RTTN: variants seen among roughly 807,000 people sequenced by gnomAD.
RTTN encodes the protein rotatin.
A neutral mutation model predicts 269.2 loss-of-function variants in RTTN; 182 were observed. The ratio of observed to expected loss-of-function variants is 0.68; its 90% CI spans 0.60 to 0.76. The LOEUF (loss-of-function observed/expected upper bound fraction) is 0.76. Among genes scored for constraint, RTTN ranks in the 30% least tolerant of loss-of-function variants. RTTN has a pLI of 0.00. For synonymous variants in RTTN, 1,006 were observed against 963.5 expected (o/e 1.04, Z -0.82); for missense variants, 2,545 against 2,608.6 (o/e 0.98, Z 0.53).
chr18:70,155,948 C>G (rs1158148532), intron 14 of RTTN, among the ~76,000 whole-genome samples: 1 of 152,154 alleles, frequency 6.6e-6, no homozygotes, highest in Non-Finnish European at 1.5e-5. Context: ...TTACTTTAAT[C>G]TCTTAATCCT....
At chr18:70,127,441 G>A in intron 25 of RTTN, 61 bp downstream of exon 25, 1 of 1,570,782 alleles carries the variant, frequency 6.4e-7, no homozygotes, top group East Asian at 2.3e-5. Context: ...AAGGTTAGGA[G>A]ATGAACACAA....
intron 28 of RTTN, among the ~76,000 whole-genome samples, chr18:70,095,102 T>C (rs2058964863): frequency 6.7e-6 from 1 of 148,788 alleles, no homozygotes; most frequent in Non-Finnish European, 1.5e-5. Flanking sequence ...ATCTGTTTTA[T>C]CAGTGATGAA....
intron 25 of RTTN, among the ~76,000 whole-genome samples, chr18:70,124,424 A>G (rs952540721): frequency 2.0e-5 from 3 of 152,132 alleles, no homozygotes; most frequent in African/African-American, 7.2e-5. Context: ...AATGCAGGAA[A>G]GCCACATGAC....
intron 34 of RTTN, among the ~76,000 whole-genome samples, chr18:70,069,020 G>GA (rs2058224575): frequency 6.6e-6 from 1 of 152,162 alleles, no homozygotes; most frequent in Non-Finnish European, 1.5e-5. Flanking sequence ...AGGAGCTGGG[G>GA]AAAAGGGGAG....
chr18:70,042,247 G>A (rs2057362708), intron 40 of RTTN, among the ~76,000 whole-genome samples: 1 of 151,608 alleles, frequency 6.6e-6, no homozygotes, highest in South Asian at 2.1e-4. Flanking sequence ...CAGTACAATG[G>A]CTAAAACAGA....
At chr18:70,094,816 T>C (rs1265811166) in intron 28 of RTTN, among the ~76,000 whole-genome samples, 2 of 152,132 alleles carry the variant, frequency 1.3e-5, no homozygotes, top group African/African-American at 2.4e-5. Flanking sequence ...GGTCCAGAGC[T>C]GAGTTCAACT....
Position 70,009,192 on chromosome 18 carries a change from G to A in RTTN, c.6422-2708C>T, listed in dbSNP as rs190564235. 1.7e-3 allele frequency among the ~76,000 whole-genome samples: 266 copies of A among 152,294 alleles called. 10 individuals are homozygous for A. The highest frequency in any genetic ancestry group is 0.017 in the Admixed American group (263 of 15,306). ...CTCTGTCTCCCAGGTTTGGAGTGCAGTGGTGAGATCTCGGCTCACTGCAAC... is the reference window on the plus strand; with the variant it reads ...CTCTGTCTCCCAGGTTTGGAGTGCAATGGTGAGATCTCGGCTCACTGCAAC... On this transcript the variant is annotated intron_variant, in intron 46 of 48. Transcript: ENST00000640769.
At chr18:70,189,023 C>T (rs1400482452) in intron 9 of RTTN, among the ~76,000 whole-genome samples, 2 of 152,140 alleles carry the variant, frequency 1.3e-5, no homozygotes, top group Non-Finnish European at 2.9e-5. Context: ...TAATTTACCA[C>T]AAAAGGGCAG....
intron 46 of RTTN, among the ~76,000 whole-genome samples, chr18:70,013,230 T>C (rs1177227401): frequency 6.6e-6 from 1 of 152,214 alleles, no homozygotes; most frequent in Non-Finnish European, 1.5e-5. Flanking sequence ...GGAGGGTGAC[T>C]TCCTTATGTT....
intron 40 of RTTN, among the ~76,000 whole-genome samples, chr18:70,044,273 A>T (rs1032986447): frequency 6.6e-6 from 1 of 152,252 alleles, no homozygotes; most frequent in African/African-American, 2.4e-5. Flanking sequence ...CATCTAAAAT[A>T]AGGCACAAGA....
chr18:70,153,902 T>C (rs2060606168), intron 14 of RTTN, among the ~76,000 whole-genome samples: 1 of 152,184 alleles, frequency 6.6e-6, no homozygotes, highest in Non-Finnish European at 1.5e-5. Context: ...TGATTATCTT[T>C]TGTGACAAAA....
chr18:70,162,380 G>A (rs149981602), intron 14 of RTTN, among the ~76,000 whole-genome samples: 6 of 152,240 alleles, frequency 3.9e-5, no homozygotes, highest in Non-Finnish European at 5.9e-5. Flanking sequence ...GGAAGAGAAC[G>A]TATTAGCCTA....
chr18:70,182,428 A>C lies in RTTN; in HGVS notation c.1306-5583T>G, dbSNP rs574881172. 5.9e-5 allele frequency among the ~76,000 whole-genome samples: 9 copies of C among 152,298 alleles called. No individual in the cohort carries two copies. The East Asian group carries it at 9.6e-4, about 16-fold the overall frequency. Reference sequence around the variant, plus strand: ...GAGAAAAAAAACTGATAAACGTAAGAGTCAATATATATTTTTATGACTAAT... The same window carrying C: ...GAGAAAAAAAACTGATAAACGTAAGCGTCAATATATATTTTTATGACTAAT... On this transcript the variant is annotated intron_variant, in intron 10 of 48. Coordinates refer to ENST00000640769, the MANE Select transcript of RTTN (RefSeq NM_173630.4).
intron 21 of RTTN, among the ~76,000 whole-genome samples, chr18:70,139,346 T>C (rs2060201290): frequency 2.6e-5 from 4 of 152,226 alleles, no homozygotes; most frequent in Admixed American, 2.6e-4. Context: ...GAGCACCAGA[T>C]GACATCTACA....
intron 18 of RTTN, 71 bp from the exon 19 acceptor site, chr18:70,142,458 G>A: frequency 1.1e-6 from 1 of 879,146 alleles, no homozygotes; most frequent in Non-Finnish European, 1.8e-6. Flanking sequence ...AGATTTTATA[G>A]TTTGTGCCCT....
At position 70,019,610 on chromosome 18, in the gene RTTN, G is replaced by A. The variant is rs192971789; in HGVS notation, c.6153+1005C>T. Reference sequence around the variant, plus strand: ...AAAAGATCCAAGATTTGTACAGTTCGCTGAATTACGTGGTGTGATATGCCC... The same window carrying A: ...AAAAGATCCAAGATTTGTACAGTTCACTGAATTACGTGGTGTGATATGCCC... On this transcript the variant is annotated intron_variant, in intron 45 of 48. Coordinates refer to ENST00000640769, the MANE Select transcript of RTTN (RefSeq NM_173630.4). 8.5e-5 allele frequency: 13 copies of A among 152,214 alleles called. No homozygotes were observed. In the East Asian group the frequency reaches 1.4e-3, roughly 16 times the overall value. 9.4% of individuals were successfully genotyped at this position (152,214 alleles called of 1,614,324 possible). A position where few individuals can be genotyped will look rare whatever the true frequency, so the allele number is the denominator to read the frequency against.
intron 35 of RTTN, chr18:70,061,525 C>A: frequency 2.7e-6 from 1 of 366,846 alleles, no homozygotes; most frequent in South Asian, 2.0e-5. Flanking sequence ...CACATACATA[C>A]CCCTGGGCAC....
At chr18:70,145,552 T>C in intron 18 of RTTN, 60 bp downstream of exon 18, 1 of 1,270,264 alleles carries the variant, frequency 7.9e-7, no homozygotes, top group Non-Finnish European at 1.1e-6. Flanking sequence ...TCACATAAAA[T>C]ACATGATATA....
At chr18:70,142,054 T>C (rs1305216479) in intron 19 of RTTN, among the ~76,000 whole-genome samples, 1 of 152,230 alleles carries the variant, frequency 6.6e-6, no homozygotes, top group Non-Finnish European at 1.5e-5. Flanking sequence ...TTAGTAAGCA[T>C]GTTGTTAGGC....
Sources: allele counts gnomAD v4.1 joint callset (sites outside exome capture counted in the v4.1 genomes callset), GRCh38; gene constraint gnomAD v4.1.1; transcripts MANE v1.5; gene names NCBI Gene and HGNC (gene_info 2026-07-23, HGNC 2026-07-21).